Variants in SSBP3 observed in about 807,000 individuals in gnomAD.
SSBP3 encodes single-stranded DNA-binding protein 3.
In SSBP3, 5 loss-of-function variants were observed where a neutral mutation model predicts 69.6. The observed-to-expected ratio is 0.07, with a 90% CI of 0.04 to 0.15. SSBP3 has a LOEUF of 0.15. SSBP3 is among the 10% of genes least tolerant of loss of function. The probability of loss-of-function intolerance (pLI) is 1.00; values close to 1 mark genes in which losing one functional copy is unlikely to be tolerated. For missense variants in SSBP3, 312 were observed against 534.0 expected, an observed-to-expected ratio of 0.58 and a Z score of 4.10; for synonymous variants, 196 against 193.4, an observed-to-expected ratio of 1.01 and a Z score of -0.11.
intron 14 of SSBP3, chr1:54,238,911 AG>A (rs1644551677): frequency 2.6e-6 from 1 of 387,280 alleles, no homozygotes; most frequent in Admixed American, 4.0e-5. Context: ...CTCTAACCAG[AG>A]GGTGGGCATC....
At chr1:54,242,546 A>G (rs1644658214) in intron 10 of SSBP3, among the ~76,000 whole-genome samples, 1 of 152,232 alleles carries the variant, frequency 6.6e-6, no homozygotes, top group African/African-American at 2.4e-5. Context: ...CAGTGGCTAC[A>G]CTGTCCAGAG....
At chr1:54,237,960 T>C (rs1365587090) in intron 14 of SSBP3, 4 of 364,710 alleles carry the variant, frequency 1.1e-5, no homozygotes, top group Non-Finnish European at 2.3e-5. Flanking sequence ...TTCCATCCGA[T>C]GCTACAAATG....
intron 4 of SSBP3, among the ~76,000 whole-genome samples, chr1:54,379,598 G>A (rs984314709): frequency 6.6e-6 from 1 of 152,120 alleles, no homozygotes; most frequent in Non-Finnish European, 1.5e-5. Flanking sequence ...TGACATCCAC[G>A]CCCAGGACCA....
intron 4 of SSBP3, among the ~76,000 whole-genome samples, chr1:54,315,023 A>G (rs1646070761): frequency 6.6e-6 from 1 of 152,108 alleles, no homozygotes; most frequent in African/African-American, 2.4e-5. Context: ...CAGCATATAG[A>G]AATTCCCCGC....
intron 4 of SSBP3, among the ~76,000 whole-genome samples, chr1:54,314,884 G>A (rs1646068290): frequency 6.6e-6 from 1 of 152,124 alleles, no homozygotes; most frequent in South Asian, 2.1e-4. Context: ...GGGGATACTT[G>A]TTGATCTGGC....
At chr1:54,251,562 G>A in intron 9 of SSBP3, 54 bp downstream of exon 9, 1 of 1,514,230 alleles carries the variant, frequency 6.6e-7, no homozygotes, top group Non-Finnish European at 9.0e-7. Context: ...CAGGAGAGAA[G>A]GCGGGTGCAC....
intron 4 of SSBP3, among the ~76,000 whole-genome samples, chr1:54,314,175 AC>A (rs1482552918): frequency 6.6e-6 from 1 of 152,206 alleles, no homozygotes; most frequent in Non-Finnish European, 1.5e-5. Context: ...TGGGGCCAGC[AC>A]CCAAGGTAAA....
chr1:54,386,509 C>T (rs1648090055), intron 4 of SSBP3, among the ~76,000 whole-genome samples: 5 of 151,924 alleles, frequency 3.3e-5, no homozygotes, highest in Admixed American at 3.3e-4. Flanking sequence ...TTCTCACCCC[C>T]AGTTCCAAGG....
intron 4 of SSBP3, among the ~76,000 whole-genome samples, chr1:54,329,913 AT>A (rs1357345521): frequency 6.6e-6 from 1 of 152,156 alleles, no homozygotes; most frequent in African/African-American, 2.4e-5. Flanking sequence ...TTTTGGGTAG[AT>A]TTTGGTCAAT....
At position 54,316,978 on chromosome 1, in the gene SSBP3, C is replaced by T. The variant is rs187395524; in HGVS notation, c.277-35451G>A. 1.6e-3 allele frequency among the ~76,000 whole-genome samples: 245 copies of T among 152,220 alleles called. 1 individual carries two copies. Among genetic ancestry groups the T allele is most frequent in the African/African-American group, 5.4e-3 (224 of 41,532 alleles). Reference sequence around the variant, plus strand: ...ATTCCATTCATGACGATGGAGCCCTCATGACCTAATCACATTCCCCAAACG... The same window carrying T: ...ATTCCATTCATGACGATGGAGCCCTTATGACCTAATCACATTCCCCAAACG... On this transcript the variant is annotated intron_variant, in intron 4 of 17. Transcript: ENST00000610401.
chr1:54,344,596 C>A (rs1053110351), intron 4 of SSBP3, among the ~76,000 whole-genome samples: 1 of 152,146 alleles, frequency 6.6e-6, no homozygotes, highest in African/African-American at 2.4e-5. Flanking sequence ...TTAACACACT[C>A]GGTGTCGTCA....
Position 54,258,485 on chromosome 1 carries a change from C to T in SSBP3, c.367-336G>A, listed in dbSNP as rs1644961898. Among the ~76,000 whole-genome samples the T allele has an allele frequency of 6.6e-6, 1 of 152,208 alleles. No individual in the cohort carries two copies. ...GCCATGTTAAATACGTTGGTTGAGA[C>T]GGGCTCAGAGGGAGTACAATGATGC... On this transcript the variant is annotated intron_variant, in intron 5 of 17. Coordinates refer to ENST00000610401, the Ensembl canonical transcript of SSBP3. The surrounding 1 kb of genome is among the most constrained non-coding windows in gnomAD (Gnocchi z 4.5).
At chr1:54,257,295 T>A (rs1644938805) in intron 6 of SSBP3, 109 bp from the exon 7 acceptor site, 1 of 984,260 alleles carries the variant, frequency 1.0e-6, no homozygotes, top group Non-Finnish European at 1.4e-6. Context: ...AGTGATCTTT[T>A]AAGTTCTTTC....
intron 4 of SSBP3, among the ~76,000 whole-genome samples, chr1:54,291,502 C>T (rs1438232578): frequency 3.9e-5 from 6 of 152,258 alleles, no homozygotes; most frequent in Middle Eastern, 6.8e-3. Context: ...ACGGGTTCGG[C>T]GCTGAGCAGA....
intron 17 of SSBP3, among the ~76,000 whole-genome samples, chr1:54,227,866 C>T (rs932156301): frequency 9.2e-5 from 14 of 152,214 alleles, no homozygotes; most frequent in African/African-American, 1.2e-4. Context: ...CAGAAGCCCA[C>T]TATAGAAAAG....
chr1:54,278,247 G>A (rs1645327257), intron 5 of SSBP3, among the ~76,000 whole-genome samples: 1 of 152,068 alleles, frequency 6.6e-6, no homozygotes, highest in African/African-American at 2.4e-5. Context: ...TCTGTAATGT[G>A]AGCAATACAA....
At chr1:54,359,770 G>A (rs532105881) in intron 4 of SSBP3, among the ~76,000 whole-genome samples, 15 of 152,276 alleles carry the variant, frequency 9.9e-5, no homozygotes, top group African/African-American at 3.6e-4. Flanking sequence ...GAGCAGAAAT[G>A]GAGCAGGTGA....
chr1:54,296,609 T>A (rs1569676335), intron 4 of SSBP3, among the ~76,000 whole-genome samples: 1 of 152,212 alleles, frequency 6.6e-6, no homozygotes, highest in East Asian at 1.9e-4. Context: ...TCCCAAGATG[T>A]CTGTGCCTTG....
At chr1:54,281,348 G>C (rs1645387779) in intron 5 of SSBP3, 90 bp downstream of exon 5, 1 of 1,031,428 alleles carries the variant, frequency 9.7e-7, no homozygotes, top group South Asian at 1.6e-5. Context: ...GGCAAACTGA[G>C]CTACTTACTT....
Sources: allele counts gnomAD v4.1 joint callset (sites outside exome capture counted in the v4.1 genomes callset), GRCh38; gene constraint gnomAD v4.1.1; non-coding constraint Gnocchi (gnomAD v3.1); transcripts MANE v1.5; gene names NCBI Gene and HGNC (gene_info 2026-07-23, HGNC 2026-07-21).